The following CRISPLD2 variants were observed in gnomAD, a reference collection of about 807,000 sequenced individuals.
The protein encoded by CRISPLD2 is cysteine rich secretory protein LCCL domain containing 2.
In CRISPLD2, 47 loss-of-function variants were observed where a neutral mutation model predicts 71.1. The observed-to-expected ratio is 0.66, with a 90% CI of 0.52 to 0.84. The LOEUF (loss-of-function observed/expected upper bound fraction) is 0.84. CRISPLD2 is among the 40% of genes least tolerant of loss of function. The pLI, the probability that CRISPLD2 is intolerant of heterozygous loss-of-function variation, is 0.00. For synonymous variants in CRISPLD2, 317 were observed against 250.1 expected (o/e 1.27, Z -2.52); for missense variants, 830 against 651.1 (o/e 1.27, Z -2.99).
intron 2 of CRISPLD2, chr16:84,839,764 T>G (rs1916721997): frequency 6.6e-6 from 1 of 152,250 alleles, no homozygotes; most frequent in African/African-American, 2.4e-5. Flanking sequence ...CCGTCAGCTA[T>G]GAATGGCTTT....
chr16:84,900,651 T>C (rs1889039949), intron 14 of CRISPLD2, among the ~76,000 whole-genome samples: 1 of 152,118 alleles, frequency 6.6e-6, no homozygotes, highest in South Asian at 2.1e-4. Flanking sequence ...AAGATGCAAA[T>C]GCACGTCCTT....
chr16:84,824,469 C>T (rs1311340189), intron 1 of CRISPLD2, among the ~76,000 whole-genome samples: 5 of 152,198 alleles, frequency 3.3e-5, no homozygotes, highest in Non-Finnish European at 7.4e-5. Flanking sequence ...TCCCCCCAGT[C>T]CAAGAGCTGT....
intron 12 of CRISPLD2, 132 bp from the exon 13 acceptor site, chr16:84,880,377 A>T: frequency 3.1e-6 from 2 of 635,058 alleles, no homozygotes; most frequent in Non-Finnish European, 2.7e-6. Flanking sequence ...TTTTTTTCTT[A>T]ATGAGGAAAA....
chr16:84,906,425 A>T (rs898869641), intron 14 of CRISPLD2, among the ~76,000 whole-genome samples, 163 bp from the exon 15 acceptor site: 1 of 152,188 alleles, frequency 6.6e-6, no homozygotes, highest in Non-Finnish European at 1.5e-5. Context: ...TCTCAACTCA[A>T]GGCAGGCTCT....
At chr16:84,881,482 T>A (rs1037378448) in intron 13 of CRISPLD2, among the ~76,000 whole-genome samples, 5 of 152,218 alleles carry the variant, frequency 3.3e-5, no homozygotes, top group Non-Finnish European at 7.3e-5. Flanking sequence ...ACAATGTGAC[T>A]GTGGTCCCAC....
chr16:84,839,339 C>T (rs1252391606), intron 2 of CRISPLD2: 4 of 242,424 alleles, frequency 1.7e-5, no homozygotes, highest in East Asian at 2.3e-4. Flanking sequence ...GGGCCCAGGG[C>T]TGGGCTTTGC....
intron 8 of CRISPLD2, among the ~76,000 whole-genome samples, chr16:84,871,453 C>T (rs1008392389): frequency 2.0e-5 from 3 of 151,904 alleles, no homozygotes; most frequent in Admixed American, 6.6e-5. Flanking sequence ...GTGGGAGGAT[C>T]ACCTGAGCCC....
chr16:84,900,443 CCTT>C, intron 14 of CRISPLD2, among the ~76,000 whole-genome samples: 1 of 152,242 alleles, frequency 6.6e-6, no homozygotes, highest in South Asian at 2.1e-4. Flanking sequence ...TACTCAAACT[CCTT>C]CATCATGAGC....
At chr16:84,822,731 C>A (rs903359705) in intron 1 of CRISPLD2, among the ~76,000 whole-genome samples, 3 of 152,082 alleles carry the variant, frequency 2.0e-5, no homozygotes, top group Non-Finnish European at 4.4e-5. Flanking sequence ...GGACAGGGAC[C>A]TAAAGCACGT....
At chr16:84,854,935 T>C (rs2646127) in intron 6 of CRISPLD2, 106 bp downstream of exon 6, 621,228 of 862,044 alleles carry the variant, frequency 0.72, 225,852 homozygotes, top group Admixed American at 0.84. Flanking sequence ...TCACCCCTCC[T>C]GGCCCTATTT....
At chr16:84,880,248 T>C (rs1213798622) in intron 12 of CRISPLD2, among the ~76,000 whole-genome samples, 1 of 152,220 alleles carries the variant, frequency 6.6e-6, no homozygotes, top group East Asian at 1.9e-4. Context: ...TCTCTTTACC[T>C]TTTTGTTTGT....
intron 6 of CRISPLD2, among the ~76,000 whole-genome samples, chr16:84,864,585 G>C (rs1474995209): frequency 6.6e-6 from 1 of 152,234 alleles, no homozygotes; most frequent in South Asian, 2.1e-4. Flanking sequence ...TTTGCTACCA[G>C]AGGTGCTTTC....
intron 1 of CRISPLD2, among the ~76,000 whole-genome samples, chr16:84,826,321 A>G (rs1916350901): frequency 6.6e-6 from 1 of 152,230 alleles, no homozygotes; most frequent in Non-Finnish European, 1.5e-5. Flanking sequence ...TTTCTTCCAG[A>G]AGAACACTCA....
chr16:84,866,011 A>G (rs549624987), intron 6 of CRISPLD2, among the ~76,000 whole-genome samples: 2 of 152,290 alleles, frequency 1.3e-5, no homozygotes, highest in East Asian at 1.9e-4. Context: ...CCAGTACAGA[A>G]GCAACAATTG....
intron 14 of CRISPLD2, among the ~76,000 whole-genome samples, chr16:84,894,094 A>T (rs942563598): frequency 6.6e-6 from 1 of 152,170 alleles, no homozygotes; most frequent in South Asian, 2.1e-4. Flanking sequence ...TGGTTTAGCA[A>T]TGATCCTCCT....
intron 1 of CRISPLD2, among the ~76,000 whole-genome samples, chr16:84,821,211 G>A (rs375335382): frequency 1.3e-5 from 2 of 152,172 alleles, no homozygotes; most frequent in African/African-American, 4.8e-5. Context: ...TGACAGTGAG[G>A]AGAGCCTGCA....
intron 3 of CRISPLD2, 117 bp from the exon 4 acceptor site, chr16:84,849,268 T>G: frequency 5.1e-6 from 5 of 980,960 alleles, no homozygotes; most frequent in Non-Finnish European, 7.4e-6. Flanking sequence ...GCTCCTGGAA[T>G]TGGCCGCTAT....
rs191681176 is a variant in CRISPLD2 at position 84,845,099 on chromosome 16, G to A, written c.241-687G>A. On this transcript the variant is annotated intron_variant, in intron 2 of 14. Coordinates refer to ENST00000262424, the MANE Select transcript of CRISPLD2 (RefSeq NM_031476.4). ...TGGTCCACACATAACTGCGTACATGGAGACAGCTCAGGGTCCAAGGTCCTG... is the reference window on the plus strand; with the variant it reads ...TGGTCCACACATAACTGCGTACATGAAGACAGCTCAGGGTCCAAGGTCCTG... Among the ~76,000 whole-genome samples the A allele has an allele frequency of 1.3e-3, 191 of 152,324 alleles. No individual in the cohort carries two copies. The Middle Eastern group carries it at 0.014, about 11-fold the overall frequency.
intron 14 of CRISPLD2, among the ~76,000 whole-genome samples, chr16:84,895,775 G>A (rs1224917067): frequency 6.6e-6 from 1 of 152,154 alleles, no homozygotes; most frequent in African/African-American, 2.4e-5. Context: ...GATGGCATTT[G>A]TAGCTCCCGG....
Sources: allele counts gnomAD v4.1 joint callset (sites outside exome capture counted in the v4.1 genomes callset), GRCh38; gene constraint gnomAD v4.1.1; transcripts MANE v1.5; gene names NCBI Gene and HGNC (gene_info 2026-07-23, HGNC 2026-07-21).